Variants in RBBP8 observed in about 807,000 individuals in gnomAD.
The protein encoded by RBBP8 is DNA endonuclease RBBP8.
Under a neutral mutation model 108.3 loss-of-function variants are expected in RBBP8, and 88 were observed. The ratio of observed to expected loss-of-function variants is 0.81; its 90% CI spans 0.68 to 0.97. RBBP8 has a LOEUF of 0.97. Among genes scored for constraint, RBBP8 ranks in the 50% least tolerant of loss-of-function variants. RBBP8 has a pLI of 0.00. For synonymous variants in RBBP8, 332 were observed against 348.2 expected (o/e 0.95, Z 0.52); for missense variants, 1,023 against 1,049.0 (o/e 0.98, Z 0.34).
intron 1 of RBBP8, among the ~76,000 whole-genome samples, chr18:22,914,943 T>G (rs1326932675): frequency 2.0e-5 from 3 of 152,176 alleles, no homozygotes; most frequent in Non-Finnish European, 4.4e-5. Context: ...ACCTGGATCT[T>G]CCTTTCATTT....
chr18:22,981,800 C>T (rs2034412798), intron 6 of RBBP8, among the ~76,000 whole-genome samples: 1 of 152,206 alleles, frequency 6.6e-6, no homozygotes, highest in African/African-American at 2.4e-5. Context: ...TAGATTGTCA[C>T]ATTATATCCA....
At chr18:23,022,653 TAA>T (rs1252600941) in intron 18 of RBBP8, among the ~76,000 whole-genome samples, 2 of 37,116 alleles carry the variant, frequency 5.4e-5, no homozygotes, top group African/African-American at 9.9e-5. Flanking sequence ...AAATACAATA[TAA>T]AATAAAATAA....
At chr18:22,946,625 T>G (rs1224288549) in intron 3 of RBBP8, 139 bp downstream of exon 3, 1 of 1,265,078 alleles carries the variant, frequency 7.9e-7, no homozygotes, top group Non-Finnish European at 1.1e-6. Context: ...TAGCCCTACT[T>G]AGTATGGGCC....
intron 6 of RBBP8, among the ~76,000 whole-genome samples, chr18:22,978,177 C>G (rs539645521): frequency 6.6e-6 from 1 of 152,120 alleles, no homozygotes; most frequent in Non-Finnish European, 1.5e-5. Flanking sequence ...TTTACAGACT[C>G]ATGAAGGGAA....
chr18:22,984,083 A>AAAT lies in RBBP8; in HGVS notation c.605-784_605-782dup, dbSNP rs926054435. 1.9e-4 allele frequency among the ~76,000 whole-genome samples: 29 copies of AAAT among 151,990 alleles called. No homozygotes were observed. In the South Asian group the frequency reaches 4.2e-3, roughly 22 times the overall value. ...GCAACAGAGCAAGACTCCATCTCAA[A>AAAT]AATAATAATAATAATAATAATTTTA... is the stretch of plus-strand genomic sequence containing the variant. On this transcript the variant is annotated intron_variant, in intron 7 of 18. Transcript: ENST00000327155.
intron 12 of RBBP8, among the ~76,000 whole-genome samples, chr18:22,994,288 G>T (rs1239821192): frequency 4.1e-5 from 6 of 147,814 alleles, no homozygotes; most frequent in Admixed American, 4.0e-4. Flanking sequence ...CTCCCAAAGT[G>T]CTGGGATTAC....
intron 4 of RBBP8, among the ~76,000 whole-genome samples, chr18:22,959,924 C>T (rs1378758370): frequency 7.2e-6 from 1 of 139,024 alleles, no homozygotes; most frequent in Non-Finnish European, 1.5e-5. Flanking sequence ...CAGAGTCTCG[C>T]TCTGTCACAC....
At chr18:22,981,133 G>A (rs937900332) in intron 6 of RBBP8, among the ~76,000 whole-genome samples, 1 of 151,750 alleles carries the variant, frequency 6.6e-6, no homozygotes, top group South Asian at 2.1e-4. Flanking sequence ...ACCACACCCA[G>A]CTAATTTTTT....
intron 4 of RBBP8, among the ~76,000 whole-genome samples, chr18:22,956,571 A>G (rs1482051144): frequency 2.0e-5 from 3 of 152,164 alleles, no homozygotes; most frequent in South Asian, 2.1e-4. Context: ...TCCTGGCCTC[A>G]AGTGATCCTC....
intron 3 of RBBP8, among the ~76,000 whole-genome samples, chr18:22,948,625 A>G (rs1166847792): frequency 6.6e-6 from 1 of 152,054 alleles, no homozygotes; most frequent in Non-Finnish European, 1.5e-5. Flanking sequence ...TGTTTTACTC[A>G]TCTATTTTGG....
chr18:22,924,738 A>G (rs1909726857), intron 3 of RBBP8, among the ~76,000 whole-genome samples: 1 of 152,132 alleles, frequency 6.6e-6, no homozygotes, highest in Admixed American at 6.5e-5. Flanking sequence ...CATATGGTTT[A>G]CAGTCATCCA....
At chr18:22,930,295 G>A (rs1372405857), upstream of RBBP8, among the ~76,000 whole-genome samples, 1 of 152,186 alleles carries the variant, frequency 6.6e-6, no homozygotes, top group Non-Finnish European at 1.5e-5. Flanking sequence ...GCAGCACTGG[G>A]CCTGAGGTGA....
intron 4 of RBBP8, among the ~76,000 whole-genome samples, chr18:22,951,396 T>C (rs1252439862): frequency 6.6e-6 from 1 of 152,196 alleles, no homozygotes; most frequent in Non-Finnish European, 1.5e-5. Context: ...AATGAGACAA[T>C]TTCAGATTAT....
rs531843749 is a variant in RBBP8 at position 23,002,293 on chromosome 18, A to C, written c.2287+564A>C. 3.9e-5 allele frequency among the ~76,000 whole-genome samples: 6 copies of C among 152,292 alleles called. No homozygotes were observed. In the East Asian group the frequency reaches 1.2e-3, roughly 29 times the overall value. On this transcript the variant is annotated intron_variant, in intron 15 of 18. Coordinates refer to ENST00000327155, the MANE Select transcript of RBBP8 (RefSeq NM_002894.3). ...CATGATGGCACATACCTGTAGTCCC[A>C]GCTACTTGGGGGCTGGAGCGAGAAG...
At chr18:22,986,566 A>G (rs376027044) in intron 8 of RBBP8, among the ~76,000 whole-genome samples, 21 of 152,218 alleles carry the variant, frequency 1.4e-4, no homozygotes, top group African/African-American at 5.1e-4. Context: ...ATTTTTTTTC[A>G]AGATGGAATA....
At chr18:22,944,222 AGGGTGATCTAC>A (rs746171052) in intron 2 of RBBP8, among the ~76,000 whole-genome samples, 6 of 152,240 alleles carry the variant, frequency 3.9e-5, no homozygotes, top group Admixed American at 1.3e-4. Flanking sequence ...AACCTGTTTC[AGGGTGATCTAC>A]GTGACAGAAC....
At position 23,016,872 on chromosome 18, in the gene RBBP8, A is replaced by G; in HGVS notation, c.2402A>G (p.Lys801Arg). Residue 801 changes from lysine to arginine, a missense_variant, in exon 17 of 19, where the codon AAA becomes AGA. Transcript: ENST00000327155. ...TTTCCTCATATTGAGGTGGTTCGGAAAAAAGAGGAGAGAAGAAAACTGCTT... is the reference window on the plus strand; with the variant it reads ...TTTCCTCATATTGAGGTGGTTCGGAGAAAAGAGGAGAGAAGAAAACTGCTT... Reference protein sequence around the residue: ...QNFPHIEVVRKKEERRKLLGH... With the variant: ...QNFPHIEVVRRKEERRKLLGH... The G allele has an allele frequency of 6.2e-7, 1 of 1,614,010 alleles. No individual in the cohort carries two copies. Among genetic ancestry groups the G allele is most frequent in the Non-Finnish European group, 8.5e-7 (1 of 1,179,962 alleles).
chr18:23,001,810 T>A, intron 15 of RBBP8, 81 bp downstream of exon 15: 1 of 1,512,540 alleles, frequency 6.6e-7, no homozygotes, highest in Non-Finnish European at 9.2e-7. Context: ...TAACAAAGGC[T>A]TGATGACATA....
At chr18:22,967,846 A>G (rs1913749770) in intron 4 of RBBP8, among the ~76,000 whole-genome samples, 1 of 151,430 alleles carries the variant, frequency 6.6e-6, no homozygotes, top group Admixed American at 6.6e-5. Context: ...CAGGGGTTTC[A>G]CTGTGATAGC....
Sources: gnomAD v4.1 joint callset for allele counts (sites outside exome capture counted in the v4.1 genomes callset) on GRCh38, gnomAD v4.1.1 for gene constraint, MANE v1.5 for transcripts, NCBI Gene and HGNC (gene_info 2026-07-23, HGNC 2026-07-21) for gene names.